RNGTT: variants seen among roughly 807,000 people sequenced by gnomAD.
RNGTT encodes mRNA-capping enzyme.
A neutral mutation model predicts 79.3 loss-of-function variants in RNGTT; 33 were observed. That is an observed-to-expected ratio of 0.42 (90% CI 0.32 to 0.56). RNGTT has a LOEUF of 0.56. Among genes scored for constraint, RNGTT ranks in the 20% least tolerant of loss-of-function variants. The pLI is 0.17. For synonymous variants in RNGTT, 222 were observed against 235.9 expected (o/e 0.94, Z 0.54); for missense variants, 497 against 739.1 (o/e 0.67, Z 3.80).
At chr6:88,759,454 T>G (rs1778133084) in intron 13 of RNGTT, among the ~76,000 whole-genome samples, 1 of 152,218 alleles carries the variant, frequency 6.6e-6, no homozygotes, top group South Asian at 2.1e-4. Flanking sequence ...GTGCCTCTGC[T>G]TATAGGTCCT....
intron 14 of RNGTT, 191 bp downstream of exon 14, chr6:88,678,162 A>G (rs1358769027): frequency 1.1e-5 from 13 of 1,202,486 alleles, no homozygotes; most frequent in Non-Finnish European, 1.4e-5. Flanking sequence ...AATGACAAAA[A>G]ATTTTTCTTT....
chr6:88,637,016 T>C (rs1035048430), intron 14 of RNGTT, among the ~76,000 whole-genome samples: 3 of 152,108 alleles, frequency 2.0e-5, no homozygotes, highest in Admixed American at 6.6e-5. Flanking sequence ...ATTCAATTTT[T>C]AAGCAATGTA....
chr6:88,894,590 G>A (rs373963731), intron 6 of RNGTT, among the ~76,000 whole-genome samples: 1 of 152,112 alleles, frequency 6.6e-6, no homozygotes, highest in African/African-American at 2.4e-5. Flanking sequence ...TTGAAGGACC[G>A]CATGTACACA....
At chr6:88,643,418 C>T (rs1207331036) in intron 14 of RNGTT, among the ~76,000 whole-genome samples, 1 of 152,076 alleles carries the variant, frequency 6.6e-6, no homozygotes, top group African/African-American at 2.4e-5. Flanking sequence ...CTTTAACACC[C>T]CACTGTCAAC....
intron 13 of RNGTT, among the ~76,000 whole-genome samples, chr6:88,763,070 T>C (rs1778322922): frequency 6.7e-6 from 1 of 149,906 alleles, no homozygotes; most frequent in African/African-American, 2.5e-5. Flanking sequence ...ACTACAGGCA[T>C]GTGCCATCAT....
chr6:88,783,285 T>C (rs1484395613), intron 12 of RNGTT, among the ~76,000 whole-genome samples: 2 of 152,052 alleles, frequency 1.3e-5, no homozygotes, highest in South Asian at 2.1e-4. Context: ...TAAGCAAAAA[T>C]AAGCCAGAAA....
chr6:88,740,603 C>T (rs932433393), intron 13 of RNGTT, among the ~76,000 whole-genome samples: 3 of 152,062 alleles, frequency 2.0e-5, no homozygotes, highest in African/African-American at 4.8e-5. Flanking sequence ...GAGATCATGT[C>T]CTTTGCAGGG....
In RNGTT at chr6:88,912,028, A is replaced by G. The variant is rs544047821; in HGVS notation, c.368-5588T>C. ...AACCCAGGAGGTCGAGGCTGCAGTGAGCAGAGATTGTGCCTCTGAATTCCA... is the reference window on the plus strand; with the variant it reads ...AACCCAGGAGGTCGAGGCTGCAGTGGGCAGAGATTGTGCCTCTGAATTCCA... On this transcript the variant is annotated intron_variant, in intron 4 of 15. Transcript: ENST00000369485. Among the ~76,000 whole-genome samples the G allele has an allele frequency of 2.0e-5, 3 of 152,292 alleles. No individual in the cohort carries two copies. In the South Asian group the frequency reaches 6.2e-4, roughly 32 times the overall value.
At position 88,844,481 on chromosome 6, in the gene RNGTT, T is replaced by A; in HGVS notation, c.1145A>T (p.Gln382Leu). Residue 382 changes from glutamine to leucine, a missense_variant, in exon 11 of 16, where the codon CAG (glutamine) becomes CTG (leucine). Physicochemically the swap from Gln to Leu is moderately radical, Grantham distance 113. Transcript: ENST00000369485. ...ACTTATAATTTCTCGTTCTATACAC[T>A]GCAGACGAACATTAAAATCACAATC... Reference protein sequence around the residue: ...VGDCDFNVRLQCIEREIISPR... With the variant: ...VGDCDFNVRLLCIEREIISPR... 1 of 1,612,564 alleles carries A rather than the reference T, an allele frequency of 6.2e-7. No individual in the cohort carries two copies. Among genetic ancestry groups the A allele is most frequent in the Non-Finnish European group, 8.5e-7 (1 of 1,179,594 alleles).
chr6:88,648,139 A>C (rs1247007393), intron 14 of RNGTT, among the ~76,000 whole-genome samples: 1 of 152,196 alleles, frequency 6.6e-6, no homozygotes, highest in Admixed American at 6.5e-5. Flanking sequence ...TACTTCAAAT[A>C]ATGTGAAGAA....
intron 14 of RNGTT, among the ~76,000 whole-genome samples, chr6:88,673,461 A>G (rs1309330589): frequency 3.9e-5 from 6 of 152,218 alleles, no homozygotes; most frequent in Non-Finnish European, 8.8e-5. Flanking sequence ...TAAAATTGTT[A>G]TCCCATTAAC....
chr6:88,805,005 G>A (rs77023775), intron 11 of RNGTT, among the ~76,000 whole-genome samples: 302 of 152,266 alleles, frequency 2.0e-3, no homozygotes, highest in African/African-American at 6.9e-3. Context: ...ACCTTTAAAA[G>A]GTTGGTTTAA....
At chr6:88,677,979 CTTTTTT>C (rs34263662) in intron 14 of RNGTT, 42 of 76,344 alleles carry the variant, frequency 5.5e-4, no homozygotes, top group Non-Finnish European at 7.9e-4. Context: ...CTCACATTCA[CTTTTTT>C]TTTTTTTTTT....
At chr6:88,733,605 A>G (rs1382917156) in intron 13 of RNGTT, among the ~76,000 whole-genome samples, 3 of 151,996 alleles carry the variant, frequency 2.0e-5, no homozygotes, top group Non-Finnish European at 4.4e-5. Flanking sequence ...GAAAAAAAAC[A>G]ATCACCGAGC....
intron 11 of RNGTT, among the ~76,000 whole-genome samples, chr6:88,805,102 A>G (rs1313937239): frequency 6.6e-6 from 1 of 152,236 alleles, no homozygotes; most frequent in East Asian, 1.9e-4. Context: ...CAGATAATCT[A>G]TCAAATAATA....
intron 2 of RNGTT, among the ~76,000 whole-genome samples, chr6:88,930,971 AATGC>A (rs1784497309): frequency 6.6e-6 from 1 of 152,126 alleles, no homozygotes; most frequent in African/African-American, 2.4e-5. Context: ...CCTAAACTGA[AATGC>A]TTGGGACTTG....
intron 11 of RNGTT, among the ~76,000 whole-genome samples, chr6:88,823,408 C>T (rs1316138951): frequency 6.6e-6 from 1 of 150,446 alleles, no homozygotes; most frequent in African/African-American, 2.5e-5. Flanking sequence ...TGCACTCCAG[C>T]CTGAGCAACA....
intron 6 of RNGTT, among the ~76,000 whole-genome samples, chr6:88,901,550 A>AGG (rs1236366749): frequency 8.4e-6 from 1 of 118,422 alleles, no homozygotes; most frequent in Non-Finnish European, 1.6e-5. Context: ...TCTGTCGACC[A>AGG]GGCTGGAGTG....
At chr6:88,752,069 A>G (rs899357082) in intron 13 of RNGTT, among the ~76,000 whole-genome samples, 3 of 152,032 alleles carry the variant, frequency 2.0e-5, no homozygotes, top group African/African-American at 7.2e-5. Context: ...CATTTTCCAG[A>G]GATAAAAGGA....
Sources: gnomAD v4.1 joint callset for allele counts (sites outside exome capture counted in the v4.1 genomes callset) on GRCh38, gnomAD v4.1.1 for gene constraint, MANE v1.5 for transcripts, NCBI Gene and HGNC (gene_info 2026-07-23, HGNC 2026-07-21) for gene names.